TFG: variants seen among roughly 807,000 people sequenced by gnomAD.
TFG encodes the protein trafficking from ER to golgi regulator, also known as protein TFG.
Under a neutral mutation model 51.4 loss-of-function variants are expected in TFG, and 22 were observed. That is an observed-to-expected ratio of 0.43 (90% CI 0.31 to 0.61). The LOEUF is 0.61. Among genes scored for constraint, TFG ranks in the 20% least tolerant of loss-of-function variants. The pLI is 0.12. For synonymous variants in TFG, 187 were observed against 165.6 expected (o/e 1.13, Z -0.99); for missense variants, 419 against 487.7 (o/e 0.86, Z 1.33).
At position 100,739,914 on chromosome 3, in the gene TFG, A is replaced by G. The variant is rs561156256; in HGVS notation, c.721+3198A>G. The stretch of plus-strand genomic sequence containing the variant: ...CACTCTGTTGCCCAGGTTGGAGTGT[A>G]CTGGCTTGATTACAGCTCACCTGCA... On this transcript the variant is annotated intron_variant, in intron 6 of 7. Transcript: ENST00000240851. Among the ~76,000 whole-genome samples, 13 of 152,200 alleles carry G rather than the reference A, an allele frequency of 8.5e-5. No homozygotes were observed. The East Asian group carries it at 2.5e-3, about 29-fold the overall frequency.
rs114232641 is a variant in TFG, at chr3:100,730,819, T to C, written c.416-1689T>C. Among the ~76,000 whole-genome samples the C allele has an allele frequency of 3.4e-3, 523 of 152,326 alleles. 5 individuals are homozygous for C. The highest frequency in any genetic ancestry group is 5.0e-3 in the Non-Finnish European group (342 of 68,024). On this transcript the variant is annotated intron_variant, in intron 4 of 7. Transcript: ENST00000240851. Reference sequence around the variant, plus strand: ...CTAATGGAGCAAGTAGTAGGACGTATAGTATGTTTCCTGATGGTTTTAGTT... The same window carrying C: ...CTAATGGAGCAAGTAGTAGGACGTACAGTATGTTTCCTGATGGTTTTAGTT...
chr3:100,730,883 G>A (rs2095089712), intron 4 of TFG, among the ~76,000 whole-genome samples: 1 of 152,202 alleles, frequency 6.6e-6, no homozygotes, highest in South Asian at 2.1e-4. Flanking sequence ...TGAGATGTGA[G>A]GGGAAACAAC....
intron 6 of TFG, among the ~76,000 whole-genome samples, chr3:100,739,100 A>C (rs2095114545): frequency 2.0e-5 from 3 of 152,296 alleles, no homozygotes; most frequent in Non-Finnish European, 4.4e-5. Flanking sequence ...TCCCAGCATG[A>C]ATTATAGGCT....
rs138912047 is a variant in TFG at position 100,737,383 on chromosome 3, C to T, written c.721+667C>T. On this transcript the variant is annotated intron_variant, in intron 6 of 7. Coordinates refer to ENST00000240851, the MANE Select transcript of TFG (RefSeq NM_006070.6). ...TGAATGAAATATAACCTGAAAGCTC[C>T]ATATTTAAAATAGGGGATTGAAGGG... 2.4e-4 allele frequency among the ~76,000 whole-genome samples: 37 copies of T among 152,328 alleles called. No individual in the cohort carries two copies. The East Asian group carries it at 6.0e-3, about 25-fold the overall frequency.
intron 1 of TFG, chr3:100,710,030 G>C (rs2095025525): frequency 1.3e-5 from 2 of 152,310 alleles, no homozygotes; most frequent in Non-Finnish European, 2.9e-5. Context: ...GAGTGCGCCA[G>C]CTAATGCCTT....
At chr3:100,742,027 C>T (rs1256205131) in intron 6 of TFG, among the ~76,000 whole-genome samples, 1 of 152,192 alleles carries the variant, frequency 6.6e-6, no homozygotes, top group Non-Finnish European at 1.5e-5. Flanking sequence ...TTACTCAAAA[C>T]ATTGCTTACT....
chr3:100,740,691 G>A (rs114798796), intron 6 of TFG, among the ~76,000 whole-genome samples: 1,811 of 152,208 alleles, frequency 0.012, 31 homozygotes, highest in African/African-American at 0.041. Flanking sequence ...AAGCCGTTGA[G>A]GGTCATGATA....
At chr3:100,746,245 C>A (rs1484531025) in intron 7 of TFG, among the ~76,000 whole-genome samples, 1 of 152,110 alleles carries the variant, frequency 6.6e-6, no homozygotes, top group Non-Finnish European at 1.5e-5. Flanking sequence ...CCTCACTATG[C>A]TTTAGAATCA....
intron 6 of TFG, among the ~76,000 whole-genome samples, chr3:100,737,669 C>T (rs190343745): frequency 3.1e-4 from 47 of 152,256 alleles, no homozygotes; most frequent in Admixed American, 2.2e-3. Context: ...TTAAGGTTAT[C>T]AATTACATTA....
chr3:100,716,277 C>CT (rs907163983), intron 2 of TFG, among the ~76,000 whole-genome samples: 2 of 152,238 alleles, frequency 1.3e-5, no homozygotes, highest in African/African-American at 4.8e-5. Context: ...ATAAGATCAA[C>CT]TTTTTTTAGC....
intron 3 of TFG, among the ~76,000 whole-genome samples, chr3:100,725,382 T>A (rs1205882133): frequency 1.3e-5 from 2 of 152,122 alleles, no homozygotes; most frequent in Non-Finnish European, 2.9e-5. Flanking sequence ...TAAAATTTTT[T>A]AAAATCAAGT....
intron 1 of TFG, among the ~76,000 whole-genome samples, chr3:100,711,867 G>T (rs1162778634): frequency 1.3e-5 from 2 of 152,070 alleles, no homozygotes; most frequent in Non-Finnish European, 2.9e-5. Flanking sequence ...CACATAGTAG[G>T]TATTTAATAA....
intron 6 of TFG, among the ~76,000 whole-genome samples, chr3:100,737,262 A>T (rs1188151693): frequency 6.6e-6 from 1 of 152,214 alleles, no homozygotes; most frequent in African/African-American, 2.4e-5. Context: ...CTGTCCTTGG[A>T]TATGCAGTTT....
intron 6 of TFG, among the ~76,000 whole-genome samples, chr3:100,736,928 T>A (rs979177897): frequency 2.6e-5 from 4 of 152,198 alleles, no homozygotes; most frequent in Admixed American, 6.5e-5. Context: ...CAAAAAAGTG[T>A]TTCTATGAAT....
intron 3 of TFG, among the ~76,000 whole-genome samples, chr3:100,724,826 A>G (rs1360226803): frequency 6.6e-6 from 1 of 152,250 alleles, no homozygotes; most frequent in Non-Finnish European, 1.5e-5. Flanking sequence ...TTAAAGGAGA[A>G]AAACTAGATC....
At chr3:100,731,639 C>T (rs908598772) in intron 4 of TFG, among the ~76,000 whole-genome samples, 1 of 152,164 alleles carries the variant, frequency 6.6e-6, no homozygotes, top group Non-Finnish European at 1.5e-5. Context: ...TCACTACAAA[C>T]TTTGCCTCCT....
intron 6 of TFG, among the ~76,000 whole-genome samples, chr3:100,739,119 T>A (rs149908287): frequency 7.9e-5 from 12 of 152,326 alleles, no homozygotes; most frequent in Non-Finnish European, 1.8e-4. Flanking sequence ...CTACTTTTAC[T>A]TTTTGTTGTA....
intron 6 of TFG, among the ~76,000 whole-genome samples, chr3:100,739,503 A>G (rs971745931): frequency 2.0e-5 from 3 of 152,226 alleles, no homozygotes; most frequent in South Asian, 4.1e-4. Context: ...GAAGAACGCT[A>G]AAAATCATCA....
At chr3:100,715,807 A>G (rs1220048362) in intron 2 of TFG, among the ~76,000 whole-genome samples, 1 of 151,558 alleles carries the variant, frequency 6.6e-6, no homozygotes, top group Non-Finnish European at 1.5e-5. Context: ...CATAACCTTT[A>G]ACTCCTGTCC....
Sources: allele counts gnomAD v4.1 joint callset (sites outside exome capture counted in the v4.1 genomes callset), GRCh38; gene constraint gnomAD v4.1.1; transcripts MANE v1.5; gene names NCBI Gene and HGNC (gene_info 2026-07-23, HGNC 2026-07-21).